Variants in SNTG1 observed in about 807,000 individuals in gnomAD.
SNTG1 encodes the protein gamma-1-syntrophin.
In SNTG1, 39 loss-of-function variants were observed where a neutral mutation model predicts 74.7. That is an observed-to-expected ratio of 0.52 (90% CI 0.40 to 0.68). The LOEUF is 0.68. Ranked by LOEUF, SNTG1 falls within the 30% of genes least tolerant of loss-of-function variation. The probability of loss-of-function intolerance (pLI) is 0.00; values close to 1 mark genes in which losing one functional copy is unlikely to be tolerated. For synonymous variants in SNTG1, 254 were observed against 217.1 expected (o/e 1.17, Z -1.49); for missense variants, 685 against 609.5 (o/e 1.12, Z -1.30).
intron 9 of SNTG1, among the ~76,000 whole-genome samples, chr8:50,524,763 T>C (rs2094206779): frequency 6.6e-6 from 1 of 152,178 alleles, no homozygotes; most frequent in Non-Finnish European, 1.5e-5. Context: ...GCATAGGCTA[T>C]ATGCAAATAC....
chr8:49,970,156 C>T (rs1163701877), intron 1 of SNTG1, among the ~76,000 whole-genome samples: 1 of 152,060 alleles, frequency 6.6e-6, no homozygotes, highest in Non-Finnish European at 1.5e-5. Flanking sequence ...TTTGACAACT[C>T]CAGTAATATC....
intron 2 of SNTG1, among the ~76,000 whole-genome samples, chr8:50,373,918 G>A (rs189397360): frequency 5.1e-4 from 77 of 151,906 alleles, no homozygotes; most frequent in African/African-American, 1.5e-3. Context: ...GTGAATCCTC[G>A]TTCCTGGGCC....
intron 2 of SNTG1, among the ~76,000 whole-genome samples, chr8:50,325,417 T>A (rs905541837): frequency 4.6e-5 from 7 of 152,068 alleles, no homozygotes; most frequent in Non-Finnish European, 7.4e-5. Flanking sequence ...GTTTTTCTAA[T>A]ATAGATCTTG....
At chr8:50,523,488 G>A (rs925799225) in intron 9 of SNTG1, among the ~76,000 whole-genome samples, 6 of 152,100 alleles carry the variant, frequency 3.9e-5, no homozygotes, top group Non-Finnish European at 8.8e-5. Context: ...CCATTGTAGG[G>A]TTATTCTTTG....
chr8:50,695,192 G>GATC (rs1201247414), intron 15 of SNTG1, among the ~76,000 whole-genome samples: 2 of 150,538 alleles, frequency 1.3e-5, no homozygotes, highest in Non-Finnish European at 1.5e-5. Flanking sequence ...AAAAACCCAA[G>GATC]ATCCCCCCAC....
intron 9 of SNTG1, among the ~76,000 whole-genome samples, chr8:50,528,915 T>G (rs1187835119): frequency 6.6e-6 from 1 of 151,638 alleles, no homozygotes; most frequent in African/African-American, 2.4e-5. Flanking sequence ...TTTTTCCCAG[T>G]TTTATTTTTA....
In SNTG1 at chr8:50,672,978, C is replaced by T. The variant is rs575367644; in HGVS notation, c.1038+14315C>T. ...CCATGCTTGTTTTTGTCAGGTTTGT[C>T]GAAGATCAGACAGTTATAGATGTGT... On this transcript the variant is annotated intron_variant, in intron 15 of 18. Coordinates refer to ENST00000642720, the MANE Select transcript of SNTG1 (RefSeq NM_018967.5). 4.6e-5 allele frequency among the ~76,000 whole-genome samples: 7 copies of T among 152,196 alleles called. No individual in the cohort carries two copies. In the South Asian group the frequency reaches 6.2e-4, roughly 14 times the overall value.
chr8:50,774,566 C>T (rs1196666874), intron 18 of SNTG1, among the ~76,000 whole-genome samples: 1 of 151,566 alleles, frequency 6.6e-6, no homozygotes, highest in Non-Finnish European at 1.5e-5. Context: ...AGAACATTTG[C>T]CACTAGTAAA....
intron 2 of SNTG1, among the ~76,000 whole-genome samples, chr8:50,203,368 G>GC (rs2084066276): frequency 1.3e-5 from 2 of 152,160 alleles, no homozygotes; most frequent in Admixed American, 1.3e-4. Flanking sequence ...CTGTTTCTCT[G>GC]TGTTCACCTG....
intron 2 of SNTG1, among the ~76,000 whole-genome samples, chr8:50,219,994 G>A (rs1301011636): frequency 6.6e-6 from 1 of 152,050 alleles, no homozygotes; most frequent in Non-Finnish European, 1.5e-5. Flanking sequence ...CCTAAACATA[G>A]TAACATAACT....
intron 9 of SNTG1, among the ~76,000 whole-genome samples, chr8:50,520,507 C>A (rs147360084): frequency 0.054 from 8,260 of 152,004 alleles, 339 homozygotes; most frequent in South Asian, 0.18. Context: ...AACAGGCAAC[C>A]TACAGAATGG....
chr8:50,241,958 G>A (rs2086183357), intron 2 of SNTG1, among the ~76,000 whole-genome samples: 1 of 151,906 alleles, frequency 6.6e-6, no homozygotes, highest in Non-Finnish European at 1.5e-5. Flanking sequence ...CACTTCTGGA[G>A]TGATGGGGGA....
At chr8:50,333,572 A>G (rs2091038908) in intron 2 of SNTG1, among the ~76,000 whole-genome samples, 1 of 152,216 alleles carries the variant, frequency 6.6e-6, no homozygotes, top group South Asian at 2.1e-4. Context: ...ATTATGCTGG[A>G]AACAGCATTA....
At chr8:49,989,283 C>T (rs377000686) in intron 1 of SNTG1, among the ~76,000 whole-genome samples, 3 of 151,504 alleles carry the variant, frequency 2.0e-5, no homozygotes, top group African/African-American at 7.3e-5. Flanking sequence ...AATGACCTTA[C>T]AAAATTAAAG....
intron 3 of SNTG1, among the ~76,000 whole-genome samples, chr8:50,401,651 A>G (rs971394358): frequency 4.6e-5 from 7 of 152,166 alleles, no homozygotes; most frequent in South Asian, 4.2e-4. Flanking sequence ...GTATGCATGC[A>G]TGCATGTGTT....
chr8:50,068,050 A>G (rs1156301525), intron 1 of SNTG1, among the ~76,000 whole-genome samples: 6 of 152,208 alleles, frequency 3.9e-5, no homozygotes, highest in Admixed American at 3.9e-4. Context: ...AGCTTTCAAA[A>G]TAAATCTGAG....
chr8:50,113,507 T>G (rs933386499), intron 1 of SNTG1, among the ~76,000 whole-genome samples: 1 of 152,210 alleles, frequency 6.6e-6, no homozygotes, highest in African/African-American at 2.4e-5. Context: ...GTTTTCTAGA[T>G]ATACAATCAT....
intron 2 of SNTG1, among the ~76,000 whole-genome samples, chr8:50,313,160 A>T (rs2090179800): frequency 6.7e-6 from 1 of 149,918 alleles, no homozygotes; most frequent in Non-Finnish European, 1.5e-5. Flanking sequence ...ACAAGAATCG[A>T]CTAAAAATGG....
intron 8 of SNTG1, among the ~76,000 whole-genome samples, chr8:50,468,730 T>C (rs1033205152): frequency 3.3e-5 from 5 of 152,180 alleles, no homozygotes; most frequent in African/African-American, 9.6e-5. Context: ...TTAACTTCCT[T>C]GGTTTACCTT....
Sources: allele counts gnomAD v4.1 joint callset (sites outside exome capture counted in the v4.1 genomes callset), GRCh38; gene constraint gnomAD v4.1.1; transcripts MANE v1.5; gene names NCBI Gene and HGNC (gene_info 2026-07-23, HGNC 2026-07-21).